Variants in MAP2K6 observed in about 807,000 individuals in gnomAD.
The protein encoded by MAP2K6 is dual specificity mitogen-activated protein kinase kinase 6.
MAP2K6 carries 16 observed loss-of-function variants against 53.7 expected under a neutral mutation model. That is an observed-to-expected ratio of 0.30 (90% CI 0.20 to 0.45). MAP2K6 has a LOEUF of 0.45. MAP2K6 is among the 20% of genes least tolerant of loss of function. The pLI is 1.00. For missense variants in MAP2K6, 204 were observed against 411.9 expected (o/e 0.50, Z 4.37); for synonymous variants, 132 against 143.1 (o/e 0.92, Z 0.55).
intron 1 of MAP2K6, chr17:69,502,005 C>A: frequency 7.6e-6 from 2 of 263,164 alleles, no homozygotes; most frequent in Non-Finnish European, 1.2e-5. Flanking sequence ...GTGAAGTAAA[C>A]ACAGCTGGAA....
chr17:69,523,773 A>G (rs1162688888), intron 8 of MAP2K6, 132 bp downstream of exon 8: 4 of 1,145,824 alleles, frequency 3.5e-6, no homozygotes, highest in Non-Finnish European at 5.0e-6. Flanking sequence ...GCCTCTTAGT[A>G]TTTCTTCAAA....
intron 1 of MAP2K6, among the ~76,000 whole-genome samples, chr17:69,490,241 C>G (rs1908690619): frequency 6.6e-6 from 1 of 152,208 alleles, no homozygotes; most frequent in African/African-American, 2.4e-5. Context: ...AGCCTCTCCT[C>G]CTTCCTTGCT....
intron 1 of MAP2K6, among the ~76,000 whole-genome samples, chr17:69,430,744 G>C (rs186540848): frequency 2.0e-5 from 3 of 152,310 alleles, no homozygotes; most frequent in Non-Finnish European, 4.4e-5. Context: ...AAGCCACTTC[G>C]TTTAAGACAG....
At chr17:69,528,109 C>CAAAAAAAAAAAAA (rs71357724) in intron 10 of MAP2K6, among the ~76,000 whole-genome samples, 3 of 75,698 alleles carry the variant, frequency 4.0e-5, no homozygotes, top group African/African-American at 1.1e-4. Flanking sequence ...AACTTCGTCT[C>CAAAAAAAAAAAAA]AAAAAAAAAA....
intron 2 of MAP2K6, among the ~76,000 whole-genome samples, chr17:69,507,146 TAGATTA>T (rs937005856): frequency 2.0e-5 from 3 of 152,174 alleles, no homozygotes; most frequent in Admixed American, 1.3e-4. Context: ...GAAATAATTG[TAGATTA>T]ACAGGAGGTT....
intron 2 of MAP2K6, among the ~76,000 whole-genome samples, chr17:69,513,148 C>T (rs192439460): frequency 9.3e-4 from 142 of 152,320 alleles, no homozygotes; most frequent in Non-Finnish European, 1.6e-3. Flanking sequence ...ACAGTGTCAA[C>T]TAATCCAATC....
intron 8 of MAP2K6, 39 bp from the exon 9 acceptor site, chr17:69,524,861 AT>A: frequency 6.7e-7 from 1 of 1,495,108 alleles, no homozygotes; most frequent in Non-Finnish European, 9.3e-7. Context: ...CGTTATCTCA[AT>A]TGTCTTCCCA....
In MAP2K6 at chr17:69,505,845, A is replaced by G. The variant is rs529602401; in HGVS notation, c.82A>G (p.Thr28Ala). 3.7e-6 allele frequency: 6 copies of G among 1,613,144 alleles called. No individual in the cohort carries two copies. In the East Asian group the frequency reaches 8.9e-5, roughly 24 times the overall value. Residue 28 changes from threonine to alanine, a missense_variant and splice_region_variant, in exon 2 of 12, where the codon ACA becomes GCA. Physicochemically the swap from Thr to Ala is moderately conservative, Grantham distance 58 (BLOSUM62 0). Transcript: ENST00000590474. ...ATTTGAACAACCTCAGACCAGTTCCACGTAAGTTGACAAGACCATCATCTG... is the reference window on the plus strand; with the variant it reads ...ATTTGAACAACCTCAGACCAGTTCCGCGTAAGTTGACAAGACCATCATCTG... ...EAFEQPQTSS[T>A]PPRDLDSKAC...
chr17:69,497,803 C>G (rs1909004381), intron 1 of MAP2K6, among the ~76,000 whole-genome samples: 1 of 152,132 alleles, frequency 6.6e-6, no homozygotes, highest in Non-Finnish European at 1.5e-5. Context: ...TCTTGATTGT[C>G]AAAATCCCAC....
At chr17:69,474,898 A>G (rs1908092447) in intron 1 of MAP2K6, among the ~76,000 whole-genome samples, 1 of 152,150 alleles carries the variant, frequency 6.6e-6, no homozygotes, top group African/African-American at 2.4e-5. Context: ...AAGAATGAGA[A>G]TTTAAAAGGC....
At chr17:69,418,057 G>A (rs1377223900) in intron 1 of MAP2K6, among the ~76,000 whole-genome samples, 1 of 152,158 alleles carries the variant, frequency 6.6e-6, no homozygotes, top group African/African-American at 2.4e-5. Context: ...CCACCCTTGG[G>A]AAATGAAATG....
chr17:69,465,855 G>A (rs1389598311), intron 1 of MAP2K6, among the ~76,000 whole-genome samples: 1 of 151,418 alleles, frequency 6.6e-6, no homozygotes, highest in East Asian at 2.0e-4. Flanking sequence ...CTGACCTCAG[G>A]TGATCTGCCC....
At chr17:69,522,188 G>A (rs1187109615) in intron 7 of MAP2K6, among the ~76,000 whole-genome samples, 1 of 152,140 alleles carries the variant, frequency 6.6e-6, no homozygotes, top group East Asian at 1.9e-4. Context: ...AACTCTCTGA[G>A]CCTGGAAATA....
intron 6 of MAP2K6, chr17:69,520,799 G>C (rs1464297516): frequency 2.4e-6 from 1 of 423,560 alleles, no homozygotes; most frequent in East Asian, 3.7e-5. Flanking sequence ...AGGGTGGAGA[G>C]AAAAAGAAGG....
intron 2 of MAP2K6, among the ~76,000 whole-genome samples, chr17:69,507,445 A>G (rs1170981324): frequency 1.3e-5 from 2 of 152,190 alleles, no homozygotes; most frequent in Non-Finnish European, 2.9e-5. Flanking sequence ...CAACATTACA[A>G]GACTCTTTTA....
chr17:69,521,016 GATAA>G, intron 6 of MAP2K6, 29 bp from the exon 7 acceptor site: 1 of 1,528,320 alleles, frequency 6.5e-7, no homozygotes, highest in Non-Finnish European at 9.0e-7. Flanking sequence ...CCAGCAATGT[GATAA>G]ATAAATCTAT....
chr17:69,503,182 G>A (rs1909257625), intron 1 of MAP2K6, among the ~76,000 whole-genome samples: 2 of 152,174 alleles, frequency 1.3e-5, no homozygotes, highest in South Asian at 4.1e-4. Context: ...CACCTGCACT[G>A]GAATTTGTAT....
At chr17:69,439,880 C>T (rs1296360090) in intron 1 of MAP2K6, among the ~76,000 whole-genome samples, 3 of 152,186 alleles carry the variant, frequency 2.0e-5, no homozygotes, top group Non-Finnish European at 2.9e-5. Flanking sequence ...ACACACCAGA[C>T]ACTGTGCTAA....
At chr17:69,420,902 G>A (rs113497013) in intron 1 of MAP2K6, among the ~76,000 whole-genome samples, 60 of 152,322 alleles carry the variant, frequency 3.9e-4, no homozygotes, top group African/African-American at 1.4e-3. Context: ...TTTCTTACCA[G>A]TTCTCTGCCA....
Sources: allele counts gnomAD v4.1 joint callset (sites outside exome capture counted in the v4.1 genomes callset), GRCh38; gene constraint gnomAD v4.1.1; transcripts MANE v1.5; gene names NCBI Gene and HGNC (gene_info 2026-07-23, HGNC 2026-07-21).